Variants in ERICH1 observed in about 807,000 individuals in gnomAD.
ERICH1 encodes the protein glutamate-rich protein 1.
A neutral mutation model predicts 39.6 loss-of-function variants in ERICH1; 56 were observed. That is an observed-to-expected ratio of 1.41 (90% CI 1.14 to 1.77). The LOEUF is 1.77. Ranked by LOEUF, ERICH1 falls within the 40% of genes most tolerant of loss-of-function variation. The pLI is 0.00. For synonymous variants in ERICH1, 313 were observed against 223.6 expected (o/e 1.40, Z -3.57); for missense variants, 826 against 575.4 (o/e 1.44, Z -4.45).
chr8:623,091 GAT>G (rs1244117296), intron 3 of ERICH1, among the ~76,000 whole-genome samples: 1 of 152,104 alleles, frequency 6.6e-6, no homozygotes, highest in Non-Finnish European at 1.5e-5. Context: ...TATGACGAGA[GAT>G]AAAACAGGCA....
Position 664,515 on chromosome 8 carries a change from T to C in ERICH1, c.*88A>G. On this transcript the variant is annotated 3_prime_UTR_variant, in exon 6 of 6. Transcript: ENST00000262109. The stretch of plus-strand genomic sequence containing the variant: ...AATATGGCATAAATGTCTTTCAAGT[T>C]CCCAGAGAACTAACTCTAAGCCCAT... The C allele has an allele frequency of 1.4e-6, 2 of 1,442,054 alleles. No homozygotes were observed. The highest frequency in any genetic ancestry group is 2.4e-5 in the Admixed American group (1 of 40,854). The allele number at this position is 1,442,054 out of a possible 1,614,324, so 89.3% of individuals were successfully genotyped here.
intron 2 of ERICH1, among the ~76,000 whole-genome samples, chr8:699,334 A>AC (rs1190763772): frequency 1.3e-5 from 2 of 152,082 alleles, no homozygotes; most frequent in Non-Finnish European, 2.9e-5. Context: ...AGTGGACGCC[A>AC]CCCCCGATTG....
At chr8:695,536 TCTC>T in intron 2 of ERICH1, among the ~76,000 whole-genome samples, 1 of 124,210 alleles carries the variant, frequency 8.1e-6, no homozygotes, top group South Asian at 2.9e-4. Flanking sequence ...TGCTTGCTCC[TCTC>T]GCCCTCCACT....
intron 1 of ERICH1, among the ~76,000 whole-genome samples, chr8:726,222 G>C (rs1818607438): frequency 6.6e-6 from 1 of 152,226 alleles, no homozygotes; most frequent in Admixed American, 6.5e-5. Flanking sequence ...CCAAGGGAGA[G>C]GCAGGTATCA....
chr8:615,462 G>A, intron 3 of ERICH1: 1 of 472,582 alleles, frequency 2.1e-6, no homozygotes, highest in Non-Finnish European at 3.7e-6. Context: ...AATAGTGCCT[G>A]GGGTGGCTGT....
At chr8:682,150 G>A (rs1806285644) in intron 3 of ERICH1, among the ~76,000 whole-genome samples, 1 of 152,040 alleles carries the variant, frequency 6.6e-6, no homozygotes, top group African/African-American at 2.4e-5. Context: ...CTAGGGTGAT[G>A]TCCTGAATGA....
At chr8:663,615 G>A (rs1801757255), downstream of ERICH1, among the ~76,000 whole-genome samples, 1 of 152,150 alleles carries the variant, frequency 6.6e-6, no homozygotes, top group Non-Finnish European at 1.5e-5. Flanking sequence ...GGACGAGTGT[G>A]GTGGCCCCAG....
chr8:711,958 T>C (rs1478464002), intron 2 of ERICH1, among the ~76,000 whole-genome samples: 1 of 152,240 alleles, frequency 6.6e-6, no homozygotes, highest in Non-Finnish European at 1.5e-5. Flanking sequence ...GTGGTATTTA[T>C]GTGGGTCTAT....
At chr8:723,104 C>A (rs1315725118) in intron 1 of ERICH1, among the ~76,000 whole-genome samples, 4 of 152,150 alleles carry the variant, frequency 2.6e-5, no homozygotes, top group Non-Finnish European at 2.9e-5. Flanking sequence ...TCTTGGAGAT[C>A]TGGGTACTTA....
intron 3 of ERICH1, among the ~76,000 whole-genome samples, chr8:625,128 C>G (rs943857944): frequency 1.3e-5 from 2 of 152,196 alleles, no homozygotes; most frequent in African/African-American, 4.8e-5. Context: ...GCTCCCTCCT[C>G]CAACATCGGA....
At chr8:690,064 G>C (rs1323311367) in intron 3 of ERICH1, among the ~76,000 whole-genome samples, 4 of 152,188 alleles carry the variant, frequency 2.6e-5, no homozygotes, top group Non-Finnish European at 5.9e-5. Flanking sequence ...CTGGCTTCTG[G>C]AGAGCAAGAC....
chr8:707,307 A>C (rs1813528235), intron 2 of ERICH1, among the ~76,000 whole-genome samples: 1 of 151,054 alleles, frequency 6.6e-6, no homozygotes, highest in Non-Finnish European at 1.5e-5. Flanking sequence ...TCCCGGGTTC[A>C]AGCGACTCTA....
intron 3 of ERICH1, among the ~76,000 whole-genome samples, chr8:624,088 G>C (rs1012915519): frequency 3.3e-5 from 5 of 152,172 alleles, no homozygotes; most frequent in African/African-American, 4.8e-5. Flanking sequence ...TGAAGGATTT[G>C]AATAGACATG....
At chr8:685,710 G>T in intron 3 of ERICH1, among the ~76,000 whole-genome samples, 1 of 152,280 alleles carries the variant, frequency 6.6e-6, no homozygotes, top group East Asian at 1.9e-4. Context: ...CTGACTTCCT[G>T]CAATAGGGGC....
At chr8:713,692 G>A (rs1401775908) in intron 2 of ERICH1, among the ~76,000 whole-genome samples, 1 of 152,104 alleles carries the variant, frequency 6.6e-6, no homozygotes, top group Non-Finnish European at 1.5e-5. Context: ...TGACCTGTGG[G>A]GCTGGAAGGT....
At chr8:642,313 TAA>T (rs1287664280) in intron 3 of ERICH1, among the ~76,000 whole-genome samples, 2 of 146,392 alleles carry the variant, frequency 1.4e-5, no homozygotes, top group African/African-American at 5.0e-5. Flanking sequence ...AGAACATCCC[TAA>T]AAAGAATATC....
downstream of ERICH1, among the ~76,000 whole-genome samples, chr8:661,210 G>C (rs577613948): frequency 6.6e-6 from 1 of 152,284 alleles, no homozygotes; most frequent in South Asian, 2.1e-4. Context: ...GCCCCGGGAT[G>C]AGAGGACATG....
At chr8:621,535 A>C (rs949509086) in intron 3 of ERICH1, among the ~76,000 whole-genome samples, 6 of 151,730 alleles carry the variant, frequency 4.0e-5, no homozygotes, top group African/African-American at 1.4e-4. Context: ...ATAATTAAAA[A>C]GAGAAAGGAG....
intron 3 of ERICH1, among the ~76,000 whole-genome samples, chr8:654,839 G>A (rs1173375772): frequency 1.3e-5 from 2 of 152,138 alleles, no homozygotes; most frequent in Admixed American, 6.5e-5. Flanking sequence ...TGCCCCAGGA[G>A]AGGACCCCCC....
Sources: gnomAD v4.1 joint callset for allele counts (sites outside exome capture counted in the v4.1 genomes callset) on GRCh38, gnomAD v4.1.1 for gene constraint, MANE v1.5 for transcripts, NCBI Gene and HGNC (gene_info 2026-07-23, HGNC 2026-07-21) for gene names.